Variants in HYDIN observed in about 807,000 individuals in gnomAD.
HYDIN encodes axonemal central pair apparatus protein HYDIN.
In HYDIN, 132 loss-of-function variants were observed where a neutral mutation model predicts 403.9. The observed-to-expected ratio is 0.33, with a 90% CI of 0.28 to 0.38. The LOEUF (loss-of-function observed/expected upper bound fraction) is 0.38. HYDIN is among the 10% of genes least tolerant of loss of function. HYDIN has a pLI of 1.00. For missense variants in HYDIN, 2,827 were observed against 5,009.5 expected (o/e 0.56, Z 13.15); for synonymous variants, 1,202 against 1,891.7 (o/e 0.64, Z 9.46).
chr16:70,931,685 G>A (rs1317411414), intron 45 of HYDIN, among the ~76,000 whole-genome samples: 2 of 152,188 alleles, frequency 1.3e-5, no homozygotes, highest in Non-Finnish European at 2.9e-5. Context: ...TTAAAGAGCA[G>A]TAGGCTATTA....
intron 58 of HYDIN, among the ~76,000 whole-genome samples, chr16:70,884,543 A>C (rs2143696994): frequency 6.6e-6 from 1 of 152,110 alleles, no homozygotes; most frequent in East Asian, 1.9e-4. Context: ...GTTTGACCTT[A>C]AACAAATGAC....
intron 48 of HYDIN, 75 bp from the exon 49 acceptor site, chr16:70,908,509 A>G: frequency 6.9e-7 from 1 of 1,440,988 alleles, no homozygotes; most frequent in Non-Finnish European, 9.4e-7. Flanking sequence ...AGCTGCCTGG[A>G]AGTCCTGTCC....
chr16:70,870,924 G>C (rs1028341253), intron 65 of HYDIN, among the ~76,000 whole-genome samples: 21 of 151,794 alleles, frequency 1.4e-4, no homozygotes, highest in Non-Finnish European at 2.9e-4. Flanking sequence ...CCAGCTACTT[G>C]GGGGGCTGAG....
At position 70,850,593 on chromosome 16, in the gene HYDIN, C is replaced by A. The variant is rs1429187213; in HGVS notation, c.12506G>T (p.Cys4169Phe). ...AGGGTGGACTTTCTTTTCCACATTG[C>A]AGATCAAATTAAAGTTCACATCTCC... ...QEGDVNFNLICNVEKKVHPVT... is the reference protein window; with the variant it reads ...QEGDVNFNLIFNVEKKVHPVT... Residue 4169 changes from cysteine (C) to phenylalanine (F), a missense_variant, in exon 74 of 86, where the codon TGC becomes TTC. Physicochemically the swap from Cys to Phe is radical, Grantham distance 205. Transcript: ENST00000393567. The A allele has an allele frequency of 1.7e-5, 27 of 1,613,822 alleles. No homozygotes were observed. The highest frequency in any genetic ancestry group is 2.3e-5 in the Non-Finnish European group (27 of 1,179,968).
rs897158464 is a variant in HYDIN at position 71,002,567 on chromosome 16, A to G, written c.3645-10357T>C. ...ACCCTGTCTGTTAAAAAAAAAAAAA[A>G]TTCTTCCTTATTCAGAGTCAGAGAT... On this transcript the variant is annotated intron_variant, in intron 23 of 85. Transcript: ENST00000393567. 4.0e-5 allele frequency among the ~76,000 whole-genome samples: 6 copies of G among 149,840 alleles called. No individual in the cohort carries two copies. In the South Asian group the frequency reaches 6.4e-4, roughly 16 times the overall value.
rs1290728931 is a variant in HYDIN at position 70,943,887 on chromosome 16, G to A, written c.6594C>T (p.Val2198=). 3.1e-6 allele frequency: 5 copies of A among 1,613,556 alleles called. No homozygotes were observed. The highest frequency in any genetic ancestry group is 4.5e-5 in the East Asian group (2 of 44,888). The change falls in exon 42 of 86, where the codon GTC becomes GTT. Residue 2198 remains valine, a synonymous_variant. Transcript: ENST00000393567. ...AGCTCATCAGCCCGGTCTCGCCTCC[G>A]ACACTGGGACTAACACTGAGCCAGC... The part of the protein sequence containing the change: ...IHRWLSVSPS[V]GGETGLMSCV...
intron 13 of HYDIN, among the ~76,000 whole-genome samples, chr16:71,076,229 G>A (rs1597721702): frequency 1.3e-5 from 2 of 151,566 alleles, no homozygotes; most frequent in South Asian, 2.1e-4. Flanking sequence ...TAACAACATA[G>A]TGCATTTAAC....
At chr16:71,192,727 A>C (rs578154018) in intron 1 of HYDIN, among the ~76,000 whole-genome samples, 4 of 152,066 alleles carry the variant, frequency 2.6e-5, no homozygotes, top group Non-Finnish European at 1.5e-5. Context: ...TTATTGATCT[A>C]TCTCTCTCCC....
chr16:71,186,477 G>A (rs1411030471), intron 2 of HYDIN, among the ~76,000 whole-genome samples: 1 of 151,960 alleles, frequency 6.6e-6, no homozygotes, highest in Non-Finnish European at 1.5e-5. Context: ...AGTTTGTCAT[G>A]GTGCTACCTA....
rs1443205527 is a variant in HYDIN at position 70,802,282 on chromosome 16, G to C, written c.*5298C>G. 1 of 152,148 alleles carries C rather than the reference G, an allele frequency of 6.6e-6. No individual in the cohort carries two copies. The highest frequency in any genetic ancestry group is 1.5e-5 in the Non-Finnish European group (1 of 68,034). The allele number at this position is 152,148 out of a possible 1,614,324, so 9.4% of individuals were successfully genotyped here. On this transcript the variant is annotated 3_prime_UTR_variant, in exon 86 of 86. Transcript: ENST00000393567. ...TTATGCCCTCTTTCAGCGTGAACAA[G>C]ACTTGTAAATATGATGGGCTATGCA...
At chr16:71,199,491 G>C (rs1340035699) in intron 1 of HYDIN, among the ~76,000 whole-genome samples, 1 of 152,094 alleles carries the variant, frequency 6.6e-6, no homozygotes, top group African/African-American at 2.4e-5. Context: ...AAATTTTCAT[G>C]TGCTCTCAGG....
intron 3 of HYDIN, among the ~76,000 whole-genome samples, chr16:71,183,856 C>A (rs1555503259): frequency 6.6e-6 from 1 of 152,070 alleles, no homozygotes; most frequent in Non-Finnish European, 1.5e-5. Context: ...TGTAAAGTAT[C>A]TGATTTCCTC....
At chr16:71,042,680 G>C (rs535017545) in intron 18 of HYDIN, among the ~76,000 whole-genome samples, 23 of 152,232 alleles carry the variant, frequency 1.5e-4, no homozygotes, top group African/African-American at 5.3e-4. Flanking sequence ...ATCTATCATG[G>C]ACATCACATT....
chr16:70,962,910 G>A (rs920602769), intron 37 of HYDIN, among the ~76,000 whole-genome samples: 8 of 149,746 alleles, frequency 5.3e-5, no homozygotes, highest in Non-Finnish European at 1.0e-4. Context: ...AAGCTCATCA[G>A]AGAGGCACTG....
At chr16:71,130,643 G>A (rs1437425639) in intron 8 of HYDIN, among the ~76,000 whole-genome samples, 6 of 151,094 alleles carry the variant, frequency 4.0e-5, no homozygotes, top group East Asian at 2.0e-4. Context: ...GCCCGCCACC[G>A]CGCCCGGCTA....
At position 70,908,302 on chromosome 16, in the gene HYDIN, C is replaced by T. The variant is rs573555316; in HGVS notation, c.8346G>A (p.Gln2782=). The change falls in exon 49 of 86, where the codon CAG becomes CAA. Residue 2782 remains glutamine, a synonymous_variant. Coordinates refer to ENST00000393567, the MANE Select transcript of HYDIN (RefSeq NM_001270974.2). ...AAGTGCAGATGCCTCGGCAGTAGAG[C>T]TGGTACTGGCAGCAAGTTCCTAGGA... ...FEILGTCCQY[Q]LYCRGICTYP... is the part of the protein sequence containing the mutation. The T allele has an allele frequency of 2.2e-6, 3 of 1,391,444 alleles. No individual in the cohort carries two copies. In the East Asian group the frequency reaches 6.9e-5, roughly 32 times the overall value. The allele number at this position is 1,391,444 out of a possible 1,614,324, so 86.2% of individuals were successfully genotyped here.
At chr16:70,837,028 A>T (rs2037474528) in intron 77 of HYDIN, among the ~76,000 whole-genome samples, 1 of 152,236 alleles carries the variant, frequency 6.6e-6, no homozygotes, top group Admixed American at 6.5e-5. Context: ...TGCATTCCTG[A>T]AAGTCTTGGA....
At chr16:70,859,875 G>A (rs1325304854) in intron 71 of HYDIN, among the ~76,000 whole-genome samples, 193 bp downstream of exon 71, 2 of 152,154 alleles carry the variant, frequency 1.3e-5, no homozygotes, top group South Asian at 2.1e-4. Context: ...GGCTAGCCAA[G>A]AGAGCTCAGG....
intron 7 of HYDIN, among the ~76,000 whole-genome samples, chr16:71,148,458 T>C (rs1308560922): frequency 6.6e-6 from 1 of 152,158 alleles, no homozygotes; most frequent in Non-Finnish European, 1.5e-5. Context: ...AGATGACCTG[T>C]TTGTGTATAT....
Sources: gnomAD v4.1 joint callset for allele counts (sites outside exome capture counted in the v4.1 genomes callset) on GRCh38, gnomAD v4.1.1 for gene constraint, MANE v1.5 for transcripts, NCBI Gene and HGNC (gene_info 2026-07-23, HGNC 2026-07-21) for gene names.